The following TBC1D1 variants were observed in gnomAD, a reference collection of about 807,000 sequenced individuals.
The protein encoded by TBC1D1 is TBC1 (tre-2/USP6, BUB2, cdc16) domain family, member 1.
A neutral mutation model predicts 125.6 loss-of-function variants in TBC1D1; 89 were observed. That is an observed-to-expected ratio of 0.71 (90% CI 0.60 to 0.85). TBC1D1 has a LOEUF of 0.85. Among genes scored for constraint, TBC1D1 ranks in the 40% least tolerant of loss-of-function variants. The pLI, the probability that TBC1D1 is intolerant of heterozygous loss-of-function variation, is 0.00. For missense variants in TBC1D1, 1,377 were observed against 1,469.2 expected (o/e 0.94, Z 1.03); for synonymous variants, 565 against 564.1 (o/e 1.00, Z -0.02).
chr4:38,110,792 A>G, intron 15 of TBC1D1: 1 of 985,492 alleles, frequency 1.0e-6, no homozygotes, highest in Non-Finnish European at 1.2e-6. Context: ...GATTTGTAGG[A>G]AGGATTGCAC....
intron 8 of TBC1D1, among the ~76,000 whole-genome samples, chr4:38,039,165 T>C (rs1321124040): frequency 8.5e-6 from 1 of 118,178 alleles, no homozygotes; most frequent in Non-Finnish European, 1.7e-5. Context: ...TCACCCAGGC[T>C]GGAGTGCAGT....
Position 38,120,228 on chromosome 4 carries a change from A to G in TBC1D1, c.2962+2036A>G, listed in dbSNP as rs936726738. ...GATCCCACAGACTCCTGCTGTGCTA[A>G]GTGGGTCGTTGTCCAGCTGGCCAAG... On this transcript the variant is annotated intron_variant, in intron 17 of 19. Coordinates refer to ENST00000261439, the MANE Select transcript of TBC1D1 (RefSeq NM_015173.4). 11 of 626,460 alleles carry G rather than the reference A, an allele frequency of 1.8e-5. No homozygotes were observed. In the African/African-American group the frequency reaches 2.2e-4, roughly 13 times the overall value. 38.8% of individuals were successfully genotyped at this position (626,460 alleles called of 1,614,324 possible).
At chr4:37,924,544 C>T (rs1005505800) in intron 2 of TBC1D1, among the ~76,000 whole-genome samples, 1 of 152,164 alleles carries the variant, frequency 6.6e-6, no homozygotes, top group Non-Finnish European at 1.5e-5. Context: ...CTGCTCCCTG[C>T]CTCCAGACCC....
At chr4:37,944,438 G>A (rs1355501265) in intron 2 of TBC1D1, among the ~76,000 whole-genome samples, 1 of 152,212 alleles carries the variant, frequency 6.6e-6, no homozygotes, top group Non-Finnish European at 1.5e-5. Context: ...CAGAGGTGGA[G>A]TCTACAGAGG....
intron 2 of TBC1D1, among the ~76,000 whole-genome samples, chr4:37,907,344 T>G (rs1717558317): frequency 6.6e-6 from 1 of 152,210 alleles, no homozygotes; most frequent in South Asian, 2.1e-4. Context: ...TCAAAGTATT[T>G]TTTGCACTTT....
intron 12 of TBC1D1, among the ~76,000 whole-genome samples, chr4:38,081,732 G>T (rs1043316126): frequency 3.3e-5 from 5 of 152,088 alleles, no homozygotes; most frequent in Non-Finnish European, 7.4e-5. Flanking sequence ...ACAAAGCTGT[G>T]GGGGGTGGAT....
At chr4:38,089,409 A>G (rs934071428) in intron 12 of TBC1D1, among the ~76,000 whole-genome samples, 1 of 152,226 alleles carries the variant, frequency 6.6e-6, no homozygotes, top group African/African-American at 2.4e-5. Flanking sequence ...AAGAATGCAC[A>G]TGAAAGCCAG....
At position 37,995,165 on chromosome 4, in the gene TBC1D1, C is replaced by T. The variant is rs1272284362; in HGVS notation, c.418-19344C>T. Among the ~76,000 whole-genome samples the T allele has an allele frequency of 6.6e-6, 1 of 152,122 alleles. No homozygotes were observed. The highest frequency in any genetic ancestry group is 1.9e-4 in the East Asian group (1 of 5,202). ...ACACAACAGCCCTCGGGAAACTGACCTGGAGCGATGGGTGCTAAAAGGAGA... is the reference window on the plus strand; with the variant it reads ...ACACAACAGCCCTCGGGAAACTGACTTGGAGCGATGGGTGCTAAAAGGAGA... On this transcript the variant is annotated intron_variant, in intron 2 of 19. Coordinates refer to ENST00000261439, the MANE Select transcript of TBC1D1 (RefSeq NM_015173.4). The surrounding 1 kb of genome is among the most constrained non-coding windows in gnomAD (Gnocchi z 4.3).
intron 19 of TBC1D1, among the ~76,000 whole-genome samples, chr4:38,136,825 C>T (rs1013640847): frequency 2.6e-5 from 4 of 152,144 alleles, no homozygotes; most frequent in African/African-American, 9.7e-5. Context: ...AGCTGTCCCT[C>T]TGGTGGTGGT....
intron 15 of TBC1D1, among the ~76,000 whole-genome samples, chr4:38,111,634 GA>G (rs1222850615): frequency 6.6e-6 from 1 of 152,100 alleles, no homozygotes; most frequent in Non-Finnish European, 1.5e-5. Context: ...CTTGTTATTT[GA>G]AGCATATAAA....
intron 2 of TBC1D1, among the ~76,000 whole-genome samples, chr4:38,003,403 G>A (rs1739447203): frequency 6.6e-6 from 1 of 152,168 alleles, no homozygotes; most frequent in Non-Finnish European, 1.5e-5. Context: ...AGGATGGGGT[G>A]AGATGGAGAG....
intron 7 of TBC1D1, among the ~76,000 whole-genome samples, chr4:38,028,752 C>G (rs941999052): frequency 2.0e-5 from 3 of 152,242 alleles, no homozygotes; most frequent in African/African-American, 7.2e-5. Flanking sequence ...ATGTACTCAT[C>G]TGTTCCCTGG....
chr4:38,037,798 A>G (rs1318668996), intron 8 of TBC1D1, among the ~76,000 whole-genome samples: 1 of 152,220 alleles, frequency 6.6e-6, no homozygotes, highest in East Asian at 1.9e-4. Context: ...AAAGACCAAA[A>G]GAATAGTGCT....
At position 37,995,645 on chromosome 4, in the gene TBC1D1, A is replaced by G; in HGVS notation, c.418-18864A>G. 1 of 509,166 alleles carries G rather than the reference A, an allele frequency of 2.0e-6. No homozygotes were observed. Among genetic ancestry groups the G allele is most frequent in the Non-Finnish European group, 3.9e-6 (1 of 254,726 alleles). The allele number at this position is 509,166 out of a possible 1,614,324, so 31.5% of individuals were successfully genotyped here. ...GCTGTCTTATCTCACTTTTGCACCAACGCCTGGTAATCCATTACATGGGTC... is the reference window on the plus strand; with the variant it reads ...GCTGTCTTATCTCACTTTTGCACCAGCGCCTGGTAATCCATTACATGGGTC... On this transcript the variant is annotated intron_variant, in intron 2 of 19. Coordinates refer to ENST00000261439, the MANE Select transcript of TBC1D1 (RefSeq NM_015173.4). The surrounding 1 kb of genome is among the most constrained non-coding windows in gnomAD (Gnocchi z 4.3).
intron 2 of TBC1D1, among the ~76,000 whole-genome samples, chr4:37,924,908 T>C (rs773641086): frequency 6.6e-6 from 1 of 152,204 alleles, no homozygotes; most frequent in Non-Finnish European, 1.5e-5. Context: ...AATTCCTGGG[T>C]CAACCAAGCA....
rs183933353 is a variant in TBC1D1, at chr4:38,074,408, G to A, written c.2051-15524G>A. 1.7e-3 allele frequency among the ~76,000 whole-genome samples: 254 copies of A among 152,318 alleles called. 2 individuals carry two copies. The highest frequency in any genetic ancestry group is 4.6e-3 in the East Asian group (24 of 5,168). ...AGCGACGAGTGCAGTGAGGTGAAACGTGGCCATCTGAGCACACAATGACCA... is the reference window on the plus strand; with the variant it reads ...AGCGACGAGTGCAGTGAGGTGAAACATGGCCATCTGAGCACACAATGACCA... On this transcript the variant is annotated intron_variant, in intron 12 of 19. Transcript: ENST00000261439.
rs571316744 is a variant in TBC1D1 at position 38,112,155 on chromosome 4, G to A, written c.2558-3555G>A. The A allele has an allele frequency of 4.0e-6, 3 of 746,182 alleles. No homozygotes were observed. The African/African-American group carries it at 5.7e-5, about 14-fold the overall frequency. 46.2% of individuals were successfully genotyped at this position (746,182 alleles called of 1,614,324 possible). A position where few individuals can be genotyped will look rare whatever the true frequency, so the allele number is the denominator to read the frequency against. On this transcript the variant is annotated intron_variant, in intron 15 of 19. Coordinates refer to ENST00000261439, the MANE Select transcript of TBC1D1 (RefSeq NM_015173.4). ...GTGTACAGGTGTTTTGCTGAATCTA[G>A]GTGGTGGTGGTGATTATTATTATTT...
At chr4:38,120,013 C>T (rs1031989199) in intron 17 of TBC1D1, 15 of 985,302 alleles carry the variant, frequency 1.5e-5, no homozygotes, top group Non-Finnish European at 1.8e-5. Flanking sequence ...AAGCAGACTC[C>T]ACTTTGGAAA....
intron 2 of TBC1D1, among the ~76,000 whole-genome samples, chr4:37,908,223 T>G (rs1424920438): frequency 6.6e-6 from 1 of 152,042 alleles, no homozygotes; most frequent in East Asian, 1.9e-4. Flanking sequence ...TGTAAGCGCC[T>G]TTTTTGGGGG....
Sources: allele counts gnomAD v4.1 joint callset (sites outside exome capture counted in the v4.1 genomes callset), GRCh38; gene constraint gnomAD v4.1.1; non-coding constraint Gnocchi (gnomAD v3.1); transcripts MANE v1.5; gene names NCBI Gene and HGNC (gene_info 2026-07-23, HGNC 2026-07-21).